MEGF6: variants seen among roughly 807,000 people sequenced by gnomAD.
MEGF6 encodes multiple epidermal growth factor-like domains protein 6.
In MEGF6, 184 loss-of-function variants were observed where a neutral mutation model predicts 207.1. The ratio of observed to expected loss-of-function variants is 0.89; its 90% CI spans 0.79 to 1.00. MEGF6 has a LOEUF of 1.00. MEGF6 is among the 50% of genes least tolerant of loss of function. The pLI, the probability that MEGF6 is intolerant of heterozygous loss-of-function variation, is 0.00. For synonymous variants in MEGF6, 1,038 were observed against 910.0 expected, an observed-to-expected ratio of 1.14 and a Z score of -2.53; for missense variants, 2,282 against 2,202.9, an observed-to-expected ratio of 1.04 and a Z score of -0.72.
chr1:3,541,765 G>A (rs1031759421), intron 4 of MEGF6, among the ~76,000 whole-genome samples: 2 of 152,150 alleles, frequency 1.3e-5, no homozygotes, highest in Non-Finnish European at 1.5e-5. Context: ...AGCAGAGAGT[G>A]GGCGGGGATG....
At chr1:3,491,023 A>G in intron 35 of MEGF6, 64 bp from the exon 36 acceptor site, 2 of 1,475,810 alleles carry the variant, frequency 1.4e-6, no homozygotes, top group Non-Finnish European at 1.8e-6. Context: ...CAGTAATGGC[A>G]GCAAGGCGTG....
chr1:3,490,559 G>T lies in MEGF6; in HGVS notation c.4595C>A (p.Thr1532Lys). ...AGTLPASSRP[T>K]SRSGGPARH The stretch of plus-strand genomic sequence containing the variant: ...CCTCGCTGGTCCACCGCTCCGGGAT[G>T]TGGGTCTGCTGGAGGCGGGCAGTGT... Residue 1532 changes from threonine to lysine, a missense_variant, in exon 37 of 37, where the codon ACA becomes AAA. Coordinates refer to ENST00000356575, the MANE Select transcript of MEGF6 (RefSeq NM_001409.4). 1.2e-6 allele frequency: 2 copies of T among 1,613,494 alleles called. No individual in the cohort carries two copies. Among genetic ancestry groups the T allele is most frequent in the South Asian group, 2.2e-5 (2 of 91,080 alleles).
At chr1:3,504,849 G>C (rs1405562927) in intron 17 of MEGF6, among the ~76,000 whole-genome samples, 4 of 152,162 alleles carry the variant, frequency 2.6e-5, no homozygotes, top group Non-Finnish European at 5.9e-5. Flanking sequence ...CATGTGAGGA[G>C]GGAGCTGCTG....
intron 23 of MEGF6, 75 bp downstream of exon 23, chr1:3,499,513 G>C: frequency 6.6e-7 from 1 of 1,526,672 alleles, no homozygotes; most frequent in Non-Finnish European, 8.8e-7. Flanking sequence ...AGGACAGGTG[G>C]CAGGAGGGAG....
chr1:3,582,295 G>T (rs926489626), intron 3 of MEGF6, among the ~76,000 whole-genome samples: 1 of 152,188 alleles, frequency 6.6e-6, no homozygotes, highest in African/African-American at 2.4e-5. Context: ...ACTGGGATGC[G>T]CACACAGCGA....
chr1:3,564,789 G>A (rs1309875297), intron 4 of MEGF6, among the ~76,000 whole-genome samples: 2 of 152,068 alleles, frequency 1.3e-5, no homozygotes, highest in African/African-American at 4.8e-5. Context: ...CAAAGCTGGG[G>A]ACGGGCCCCC....
intron 4 of MEGF6, among the ~76,000 whole-genome samples, chr1:3,537,902 G>T (rs773843026): frequency 3.0e-4 from 45 of 152,324 alleles, no homozygotes; most frequent in Non-Finnish European, 4.9e-4. Context: ...CCTGGGAGGG[G>T]CTGGGACCAG....
chr1:3,561,721 C>G (rs764518139), intron 4 of MEGF6, among the ~76,000 whole-genome samples: 1 of 152,184 alleles, frequency 6.6e-6, no homozygotes, highest in Admixed American at 6.5e-5. Flanking sequence ...ACAGAAAACA[C>G]GGGGTGGGGT....
intron 4 of MEGF6, among the ~76,000 whole-genome samples, chr1:3,555,652 A>C (rs1297741478): frequency 6.6e-6 from 1 of 152,204 alleles, no homozygotes; most frequent in Non-Finnish European, 1.5e-5. Context: ...TCAGTGAAAC[A>C]GCAGGAGCCT....
At chr1:3,592,536 C>T (rs1407438987) in intron 3 of MEGF6, among the ~76,000 whole-genome samples, 1 of 152,326 alleles carries the variant, frequency 6.6e-6, no homozygotes, top group African/African-American at 2.4e-5. Flanking sequence ...GCACCCGCTG[C>T]CAGGGTCCCC....
At position 3,568,430 on chromosome 1, in the gene MEGF6, C is replaced by A. The variant is rs150063146; in HGVS notation, c.481+11395G>T. ...CCCCTCATGGGGCCCACGGAGGCCA[C>A]CCCTTTGGCTAGAGCAGGACAGGGA... On this transcript the variant is annotated intron_variant, in intron 4 of 36. Coordinates refer to ENST00000356575, the MANE Select transcript of MEGF6 (RefSeq NM_001409.4). Among the ~76,000 whole-genome samples the A allele has an allele frequency of 1.0e-4, 14 of 140,514 alleles. No individual in the cohort carries two copies. The East Asian group carries it at 2.7e-3, about 27-fold the overall frequency. The allele number at this position is 140,514 out of a possible 152,430, so 92.2% of individuals were successfully genotyped here. A position where few individuals can be genotyped will look rare whatever the true frequency, so the allele number is the denominator to read the frequency against.
chr1:3,611,087 C>T, intron 1 of MEGF6, 51 bp downstream of exon 1: 1 of 1,426,616 alleles, frequency 7.0e-7, no homozygotes, highest in Non-Finnish European at 9.1e-7. Context: ...CCTCCAGAGG[C>T]CCCGGGGTCC....
chr1:3,598,373 G>A (rs1012536077), intron 2 of MEGF6, among the ~76,000 whole-genome samples: 3 of 152,196 alleles, frequency 2.0e-5, no homozygotes, highest in African/African-American at 4.8e-5. Context: ...GCACAGAGAC[G>A]CTCTGGGAGC....
At chr1:3,524,898 T>C (rs1006041932) in intron 4 of MEGF6, among the ~76,000 whole-genome samples, 2 of 151,990 alleles carry the variant, frequency 1.3e-5, no homozygotes, top group African/African-American at 4.8e-5. Context: ...ACCAGGCAGA[T>C]TGTGGTGACG....
intron 4 of MEGF6, among the ~76,000 whole-genome samples, chr1:3,563,930 G>A (rs575320537): frequency 6.6e-6 from 1 of 152,120 alleles, no homozygotes; most frequent in South Asian, 2.1e-4. Context: ...AAAACCCTGC[G>A]ACCTGAGGGC....
the MEGF6 span, among the ~76,000 whole-genome samples, chr1:3,621,567 T>C: frequency 6.6e-6 from 1 of 152,208 alleles, no homozygotes; most frequent in South Asian, 2.1e-4. Context: ...CTCTTGTTAT[T>C]TTATATATCT....
chr1:3,545,651 G>A lies in MEGF6; in HGVS notation c.482-21405C>T, dbSNP rs183489780. 9.2e-5 allele frequency among the ~76,000 whole-genome samples: 14 copies of A among 152,288 alleles called. No homozygotes were observed. In the East Asian group the frequency reaches 1.5e-3, roughly 17 times the overall value. On this transcript the variant is annotated intron_variant, in intron 4 of 36. Transcript: ENST00000356575. ...CATCCTGGAGCCTCTGGGGCTTTCC[G>A]CCACCCCAGTGGAGCCCCTTTCACA... is the stretch of plus-strand genomic sequence containing the variant.
intron 4 of MEGF6, among the ~76,000 whole-genome samples, chr1:3,541,744 C>A (rs1642529135): frequency 6.6e-6 from 1 of 152,106 alleles, no homozygotes; most frequent in Non-Finnish European, 1.5e-5. Flanking sequence ...AAAGGCCGAG[C>A]CCACAGTGGC....
chr1:3,624,065 A>T, the MEGF6 span, among the ~76,000 whole-genome samples: 1 of 152,094 alleles, frequency 6.6e-6, no homozygotes, highest in African/African-American at 2.4e-5. Context: ...ACTGAAGTAA[A>T]CAGATGTATC....
Sources: gnomAD v4.1 joint callset for allele counts (sites outside exome capture counted in the v4.1 genomes callset) on GRCh38, gnomAD v4.1.1 for gene constraint, MANE v1.5 for transcripts, NCBI Gene and HGNC (gene_info 2026-07-23, HGNC 2026-07-21) for gene names.